CALCRL: variants seen among roughly 807,000 people sequenced by gnomAD.
CALCRL encodes calcitonin receptor like receptor.
CALCRL carries 27 observed loss-of-function variants against 60.4 expected under a neutral mutation model. The ratio of observed to expected loss-of-function variants is 0.45; its 90% CI spans 0.33 to 0.62. The LOEUF (loss-of-function observed/expected upper bound fraction) is 0.62. Among genes scored for constraint, CALCRL ranks in the 20% least tolerant of loss-of-function variants. The pLI, the probability that CALCRL is intolerant of heterozygous loss-of-function variation, is 0.03. For missense variants in CALCRL, 424 were observed against 540.7 expected, an observed-to-expected ratio of 0.78 and a Z score of 2.14; for synonymous variants, 190 against 182.6, an observed-to-expected ratio of 1.04 and a Z score of -0.33.
In CALCRL at chr2:187,417,432, A is replaced by G. The variant is rs185321761; in HGVS notation, c.-292-29676T>C. On this transcript the variant is annotated intron_variant, in intron 1 of 14. Coordinates refer to ENST00000392370, the MANE Select transcript of CALCRL (RefSeq NM_005795.6). ...GAGGTTTATTATTGTATAGACTTCAATTGATTTCAATCCAAATCAAATATA... is the reference window on the plus strand; with the variant it reads ...GAGGTTTATTATTGTATAGACTTCAGTTGATTTCAATCCAAATCAAATATA... Among the ~76,000 whole-genome samples the G allele has an allele frequency of 2.8e-3, 431 of 152,220 alleles. 5 individuals are homozygous for G. The highest frequency in any genetic ancestry group is 9.7e-3 in the African/African-American group (404 of 41,574).
At chr2:187,414,517 A>G (rs964083643) in intron 1 of CALCRL, among the ~76,000 whole-genome samples, 2 of 152,180 alleles carry the variant, frequency 1.3e-5, no homozygotes, top group African/African-American at 2.4e-5. Context: ...TTAGCTGCCA[A>G]GCCTGGAAGA....
At chr2:187,408,966 G>A (rs1055394935) in intron 1 of CALCRL, among the ~76,000 whole-genome samples, 8 of 151,900 alleles carry the variant, frequency 5.3e-5, no homozygotes, top group Non-Finnish European at 1.2e-4. Context: ...CATTTTAAAG[G>A]GAGCATGAAT....
At chr2:187,440,497 A>G (rs1690849308) in intron 1 of CALCRL, among the ~76,000 whole-genome samples, 1 of 152,156 alleles carries the variant, frequency 6.6e-6, no homozygotes, top group Non-Finnish European at 1.5e-5. Context: ...CATTAACTAA[A>G]TTTATTTAAC....
At chr2:187,380,122 GCA>G (rs1178601981) in intron 7 of CALCRL, among the ~76,000 whole-genome samples, 6 of 152,136 alleles carry the variant, frequency 3.9e-5, no homozygotes, top group South Asian at 4.1e-4. Flanking sequence ...GTTTACTTGA[GCA>G]CAGTTTCAGA....
At chr2:187,362,253 G>T (rs1197255567) in intron 9 of CALCRL, among the ~76,000 whole-genome samples, 1 of 151,976 alleles carries the variant, frequency 6.6e-6, no homozygotes, top group Non-Finnish European at 1.5e-5. Context: ...CTCATGCTCT[G>T]CAGCTTCAAG....
At chr2:187,376,969 C>T (rs910999487) in intron 8 of CALCRL, among the ~76,000 whole-genome samples, 1 of 151,984 alleles carries the variant, frequency 6.6e-6, no homozygotes, top group Non-Finnish European at 1.5e-5. Flanking sequence ...TGTCTACTAT[C>T]GTTAATTGCA....
intron 1 of CALCRL, among the ~76,000 whole-genome samples, chr2:187,389,322 C>CT (rs996982230): frequency 3.3e-5 from 5 of 152,108 alleles, no homozygotes; most frequent in Admixed American, 3.3e-4. Context: ...ATCCACCCGC[C>CT]TCCGCCTCCC....
intron 8 of CALCRL, among the ~76,000 whole-genome samples, chr2:187,369,105 C>T (rs111828240): frequency 6.6e-5 from 10 of 152,226 alleles, no homozygotes; most frequent in African/African-American, 1.7e-4. Context: ...GCTCTTCCTC[C>T]ATTATGCTCC....
intron 1 of CALCRL, among the ~76,000 whole-genome samples, chr2:187,399,570 G>A (rs1178222414): frequency 6.6e-6 from 1 of 151,364 alleles, no homozygotes; most frequent in Non-Finnish European, 1.5e-5. Flanking sequence ...CACACAGAAT[G>A]GGAGAAAAAA....
chr2:187,437,884 A>G (rs892641300), intron 1 of CALCRL, among the ~76,000 whole-genome samples: 2 of 152,174 alleles, frequency 1.3e-5, no homozygotes, highest in East Asian at 3.8e-4. Context: ...AAATCCAGTC[A>G]GTAGTGTGAT....
intron 1 of CALCRL, among the ~76,000 whole-genome samples, chr2:187,401,781 A>G (rs1688897643): frequency 6.6e-6 from 1 of 151,710 alleles, no homozygotes; most frequent in Non-Finnish European, 1.5e-5. Flanking sequence ...ACAAATAGAA[A>G]CATCAAAAAT....
chr2:187,364,086 A>G (rs1687173837), intron 8 of CALCRL, among the ~76,000 whole-genome samples: 1 of 152,170 alleles, frequency 6.6e-6, no homozygotes, highest in South Asian at 2.1e-4. Flanking sequence ...GAATTTTTCT[A>G]ATTGGTGCAG....
intron 1 of CALCRL, chr2:187,415,460 G>A (rs891206580): frequency 2.0e-5 from 5 of 254,226 alleles, no homozygotes; most frequent in African/African-American, 2.3e-5. Context: ...AAAGGAATCA[G>A]AGGAAAAATA....
intron 1 of CALCRL, among the ~76,000 whole-genome samples, chr2:187,394,741 T>A (rs1688589906): frequency 6.6e-6 from 1 of 152,006 alleles, no homozygotes; most frequent in Non-Finnish European, 1.5e-5. Flanking sequence ...GAGCTTCCTG[T>A]TTTCTGTTGC....
At chr2:187,433,942 T>C (rs561068794) in intron 1 of CALCRL, among the ~76,000 whole-genome samples, 12 of 152,148 alleles carry the variant, frequency 7.9e-5, no homozygotes, top group Admixed American at 6.5e-4. Flanking sequence ...TTTTTTACAA[T>C]AGGTAGAGAG....
intron 1 of CALCRL, among the ~76,000 whole-genome samples, chr2:187,447,332 T>A (rs1691236230): frequency 6.6e-6 from 1 of 151,886 alleles, no homozygotes; most frequent in Non-Finnish European, 1.5e-5. Flanking sequence ...ATTTCAAAAT[T>A]AAGAATTGTT....
At chr2:187,393,573 A>G (rs1473939792) in intron 1 of CALCRL, among the ~76,000 whole-genome samples, 7 of 152,126 alleles carry the variant, frequency 4.6e-5, no homozygotes. Context: ...GAGCACAGTA[A>G]GAATAGGGCA....
At chr2:187,383,948 A>C (rs1688095662) in intron 4 of CALCRL, among the ~76,000 whole-genome samples, 1 of 152,126 alleles carries the variant, frequency 6.6e-6, no homozygotes, top group Non-Finnish European at 1.5e-5. Context: ...ATTCTACTTT[A>C]GTTTCCACGT....
rs1212935485 is a variant in CALCRL, at chr2:187,344,968, A to G, written c.*1216T>C. ...CTATTATTAAGGTATGAGTTATCAA[A>G]ACAAATATATTCAATAAAATAGTGA... On this transcript the variant is annotated 3_prime_UTR_variant, in exon 15 of 15. Coordinates refer to ENST00000392370, the MANE Select transcript of CALCRL (RefSeq NM_005795.6). The G allele has an allele frequency of 2.0e-5, 3 of 151,788 alleles. No individual in the cohort carries two copies. Among genetic ancestry groups the G allele is most frequent in the Non-Finnish European group, 3.0e-5 (2 of 67,764 alleles). 9.4% of individuals were successfully genotyped at this position (151,788 alleles called of 1,614,324 possible).
Sources: allele counts gnomAD v4.1 joint callset (sites outside exome capture counted in the v4.1 genomes callset), GRCh38; gene constraint gnomAD v4.1.1; transcripts MANE v1.5; gene names NCBI Gene and HGNC (gene_info 2026-07-23, HGNC 2026-07-21).